Variants in GUCY1B1 observed in about 807,000 individuals in gnomAD.
GUCY1B1 encodes guanylate cyclase soluble subunit beta-1.
In GUCY1B1, 43 loss-of-function variants were observed where a neutral mutation model predicts 71.0. The observed-to-expected ratio is 0.61, with a 90% confidence interval of 0.47 to 0.78. The LOEUF (loss-of-function observed/expected upper bound fraction) is 0.78. Among genes scored for constraint, GUCY1B1 ranks in the 30% least tolerant of loss-of-function variants. The pLI is 0.00. For missense variants in GUCY1B1, 535 were observed against 754.1 expected (o/e 0.71, Z 3.40); for synonymous variants, 266 against 259.7 (o/e 1.02, Z -0.23).
At chr4:155,792,749 C>T (rs1739265083) in intron 5 of GUCY1B1, among the ~76,000 whole-genome samples, 1 of 151,950 alleles carries the variant, frequency 6.6e-6, no homozygotes, top group South Asian at 2.1e-4. Context: ...CCGTTGAGAT[C>T]GAGTTTTCCC....
intron 7 of GUCY1B1, among the ~76,000 whole-genome samples, 162 bp downstream of exon 7, chr4:155,795,619 C>T (rs1739496423): frequency 6.6e-6 from 1 of 151,996 alleles, no homozygotes; most frequent in Non-Finnish European, 1.5e-5. Flanking sequence ...TTTTGGTTTG[C>T]CTGAGGAGCA....
At chr4:155,784,331 C>T (rs1212192034) in intron 4 of GUCY1B1, among the ~76,000 whole-genome samples, 2 of 152,148 alleles carry the variant, frequency 1.3e-5, no homozygotes, top group African/African-American at 4.8e-5. Flanking sequence ...TGAAAGCATT[C>T]ACTTCCTACT....
At position 155,789,919 on chromosome 4, in the gene GUCY1B1, A is replaced by G. The variant is rs750968890; in HGVS notation, c.495+8A>G. The G allele has an allele frequency of 4.3e-5, 68 of 1,570,822 alleles. No homozygotes were observed. In the South Asian group the frequency reaches 7.6e-4, roughly 17 times the overall value. ...ACTGAAATAGACATGAAGGTAACAAACAGCAATGGAGACTTCTGAACACAG... is the reference window on the plus strand; with the variant it reads ...ACTGAAATAGACATGAAGGTAACAAGCAGCAATGGAGACTTCTGAACACAG... On this transcript the variant is annotated splice_region_variant and intron_variant, in intron 5 of 13. Coordinates refer to ENST00000264424, the MANE Select transcript of GUCY1B1 (RefSeq NM_000857.5).
chr4:155,795,511 G>T (rs1739485461), intron 7 of GUCY1B1, 54 bp downstream of exon 7: 1 of 825,676 alleles, frequency 1.2e-6, no homozygotes, highest in East Asian at 2.5e-5. Flanking sequence ...CAAATTAGAA[G>T]TATTCAGGGG....
At chr4:155,793,585 T>A (rs146850459) in intron 5 of GUCY1B1, among the ~76,000 whole-genome samples, 1 of 152,284 alleles carries the variant, frequency 6.6e-6, no homozygotes, top group Non-Finnish European at 1.5e-5. Context: ...CAAGTGCTTT[T>A]TTTTTCTAAT....
chr4:155,793,789 T>A (rs1739344490), intron 5 of GUCY1B1, 67 bp from the exon 6 acceptor site: 1 of 728,892 alleles, frequency 1.4e-6, no homozygotes, highest in Admixed American at 2.3e-5. Context: ...ACTCATTTTT[T>A]ATATTTAGGT....
intron 2 of GUCY1B1, among the ~76,000 whole-genome samples, 183 bp downstream of exon 2, chr4:155,760,043 G>A (rs927923120): frequency 6.6e-6 from 1 of 152,124 alleles, no homozygotes; most frequent in African/African-American, 2.4e-5. Context: ...AACCAGGAGG[G>A]GAGGGGCGGC....
At chr4:155,768,405 AG>A (rs1224308028) in intron 2 of GUCY1B1, among the ~76,000 whole-genome samples, 2 of 150,750 alleles carry the variant, frequency 1.3e-5, no homozygotes, top group South Asian at 2.1e-4. Flanking sequence ...AATATTCTTT[AG>A]TTTGAAAGCA....
intron 7 of GUCY1B1, 143 bp from the exon 8 acceptor site, chr4:155,796,234 C>T: frequency 1.4e-6 from 1 of 727,204 alleles, no homozygotes; most frequent in Non-Finnish European, 2.3e-6. Context: ...AGGCAGAACT[C>T]TGACAGAAGG....
At chr4:155,805,885 T>C (rs1740279141) in intron 13 of GUCY1B1, among the ~76,000 whole-genome samples, 1 of 152,188 alleles carries the variant, frequency 6.6e-6, no homozygotes, top group African/African-American at 2.4e-5. Flanking sequence ...ACACCTCTCA[T>C]AGAGGCCTTG....
chr4:155,797,847 G>C (rs1439022881), intron 8 of GUCY1B1, among the ~76,000 whole-genome samples: 2 of 151,260 alleles, frequency 1.3e-5, no homozygotes, highest in Non-Finnish European at 2.9e-5. Flanking sequence ...GATAATATAA[G>C]GATATGGATG....
At chr4:155,781,501 T>G (rs1023603661) in intron 4 of GUCY1B1, among the ~76,000 whole-genome samples, 1 of 152,184 alleles carries the variant, frequency 6.6e-6, no homozygotes, top group African/African-American at 2.4e-5. Flanking sequence ...ATTTGCATTA[T>G]GCGTATTTTA....
chr4:155,782,045 C>G (rs1738458733), intron 4 of GUCY1B1, among the ~76,000 whole-genome samples: 1 of 151,886 alleles, frequency 6.6e-6, no homozygotes, highest in African/African-American at 2.4e-5. Context: ...TTGCTATAGT[C>G]AATGTCTTTT....
intron 4 of GUCY1B1, 118 bp downstream of exon 4, chr4:155,777,760 G>A (rs183464152): frequency 4.3e-5 from 24 of 560,558 alleles, no homozygotes; most frequent in East Asian, 3.6e-4. Flanking sequence ...AAATGGAATC[G>A]TAGTCACCTT....
chr4:155,773,212 A>G (rs1161687053), intron 2 of GUCY1B1, among the ~76,000 whole-genome samples: 1 of 152,208 alleles, frequency 6.6e-6, no homozygotes, highest in Non-Finnish European at 1.5e-5. Flanking sequence ...ATTGGCAATG[A>G]TATCTGGAAC....
chr4:155,772,513 C>G (rs1376989151), intron 2 of GUCY1B1: 5 of 504,640 alleles, frequency 9.9e-6, no homozygotes, highest in Non-Finnish European at 1.8e-5. Flanking sequence ...TCCCGAGGCT[C>G]AAGCAATATT....
At chr4:155,801,160 G>A (rs1379560755) in intron 9 of GUCY1B1, among the ~76,000 whole-genome samples, 1 of 152,206 alleles carries the variant, frequency 6.6e-6, no homozygotes, top group African/African-American at 2.4e-5. Context: ...AAAACTGGGA[G>A]TTGCTGGGAG....
intron 4 of GUCY1B1, among the ~76,000 whole-genome samples, 166 bp downstream of exon 4, chr4:155,777,808 T>C (rs1738159398): frequency 6.6e-6 from 1 of 152,190 alleles, no homozygotes; most frequent in African/African-American, 2.4e-5. Flanking sequence ...TTGGAGCGTC[T>C]CGAATACATT....
intron 2 of GUCY1B1, among the ~76,000 whole-genome samples, chr4:155,773,098 G>A (rs919036821): frequency 6.6e-6 from 1 of 152,206 alleles, no homozygotes; most frequent in Non-Finnish European, 1.5e-5. Context: ...AATTAGAGTG[G>A]CTACTTTCCT....
Sources: allele counts gnomAD v4.1 joint callset (sites outside exome capture counted in the v4.1 genomes callset), GRCh38; gene constraint gnomAD v4.1.1; transcripts MANE v1.5; gene names NCBI Gene and HGNC (gene_info 2026-07-23, HGNC 2026-07-21).